The following SPAG9 variants were observed in gnomAD, a reference collection of about 807,000 sequenced individuals.
The protein encoded by SPAG9 is C-Jun-amino-terminal kinase-interacting protein 4.
In SPAG9, 35 loss-of-function variants were observed where a neutral mutation model predicts 166.5. The ratio of observed to expected loss-of-function variants is 0.21; its 90% CI spans 0.16 to 0.28. The LOEUF is 0.28. Among genes scored for constraint, SPAG9 ranks in the 10% least tolerant of loss-of-function variants. SPAG9 has a pLI of 1.00. For synonymous variants in SPAG9, 534 were observed against 565.5 expected (o/e 0.94, Z 0.79); for missense variants, 1,235 against 1,603.3 (o/e 0.77, Z 3.92).
intron 4 of SPAG9, among the ~76,000 whole-genome samples, chr17:51,044,752 T>A (rs1285103147): frequency 6.6e-6 from 1 of 152,214 alleles, no homozygotes; most frequent in Non-Finnish European, 1.5e-5. Context: ...TGGCAGAGTT[T>A]CGATTCAAAG....
At chr17:50,996,817 T>A in intron 15 of SPAG9, 123 bp from the exon 16 acceptor site, 2 of 968,882 alleles carry the variant, frequency 2.1e-6, no homozygotes, top group Non-Finnish European at 3.1e-6. Context: ...TTCAAATTAG[T>A]TTATTTCAAC....
rs948230274 is a variant in SPAG9, at chr17:51,005,144, T to C, written c.1476+68A>G. The C allele has an allele frequency of 3.8e-6, 5 of 1,327,796 alleles. No homozygotes were observed. In the African/African-American group the frequency reaches 7.3e-5, roughly 19 times the overall value. The allele number at this position is 1,327,796 out of a possible 1,614,324, so 82.3% of individuals were successfully genotyped here. Reference sequence around the variant, plus strand: ...TATAGTATTATATCCAAAGCTTACGTAGGAAGATCTTCCCGAAACACCAAA... The same window carrying C: ...TATAGTATTATATCCAAAGCTTACGCAGGAAGATCTTCCCGAAACACCAAA... On this transcript the variant is annotated intron_variant, in intron 12 of 29. Transcript: ENST00000262013.
At chr17:51,036,477 T>G (rs2046588142) in intron 5 of SPAG9, among the ~76,000 whole-genome samples, 4 of 152,148 alleles carry the variant, frequency 2.6e-5, no homozygotes, top group African/African-American at 7.2e-5. Flanking sequence ...GTCTCTCTTC[T>G]CTGCCACTAC....
chr17:51,058,364 T>A (rs1435807208), intron 2 of SPAG9, among the ~76,000 whole-genome samples: 2 of 152,128 alleles, frequency 1.3e-5, no homozygotes, highest in Non-Finnish European at 2.9e-5. Flanking sequence ...ACGATGAAAG[T>A]ATTATTATTA....
intron 3 of SPAG9, among the ~76,000 whole-genome samples, chr17:51,053,026 C>T (rs906714726): frequency 4.0e-5 from 6 of 150,964 alleles, no homozygotes; most frequent in East Asian, 1.9e-4. Flanking sequence ...TCCAGCCTGG[C>T]GACAGAGCAA....
intron 1 of SPAG9, among the ~76,000 whole-genome samples, chr17:51,116,176 G>C (rs1049482794): frequency 4.6e-5 from 7 of 152,050 alleles, no homozygotes; most frequent in Admixed American, 2.0e-4. Context: ...CTCCCCAGTA[G>C]CTGGGATTAC....
At chr17:51,073,337 ACAATTAG>A (rs1333021994) in intron 2 of SPAG9, among the ~76,000 whole-genome samples, 3 of 151,882 alleles carry the variant, frequency 2.0e-5, no homozygotes, top group Non-Finnish European at 4.4e-5. Flanking sequence ...CAAAAAAAAA[ACAATTAG>A]CCACGTGTGG....
Position 50,966,407 on chromosome 17 carries a change from C to T in SPAG9, c.3851-20G>A. On this transcript the variant is annotated intron_variant, in intron 29 of 29. Coordinates refer to ENST00000262013, the MANE Select transcript of SPAG9 (RefSeq NM_001130528.3). ...CATCACCTAGTGAATGATAAGAAGA[C>T]TCAAGTTAGGCTGAACACATAAAAT... is the stretch of plus-strand genomic sequence containing the variant. The T allele has an allele frequency of 7.1e-7, 1 of 1,411,248 alleles. No homozygotes were observed. Among genetic ancestry groups the T allele is most frequent in the Non-Finnish European group, 1.0e-6 (1 of 995,112 alleles). 87.4% of individuals were successfully genotyped at this position (1,411,248 alleles called of 1,614,324 possible). A position where few individuals can be genotyped will look rare whatever the true frequency, so the allele number is the denominator to read the frequency against.
intron 28 of SPAG9, among the ~76,000 whole-genome samples, chr17:50,972,890 A>G (rs1028157725): frequency 3.3e-5 from 5 of 152,242 alleles, no homozygotes; most frequent in Non-Finnish European, 5.9e-5. Flanking sequence ...TTTAGGGCCA[A>G]CTGGCCTCGC....
chr17:50,978,489 A>G (rs1351329823), intron 26 of SPAG9, among the ~76,000 whole-genome samples: 1 of 152,196 alleles, frequency 6.6e-6, no homozygotes, highest in Non-Finnish European at 1.5e-5. Context: ...GTCAGGTGCT[A>G]AAGATAGAGC....
chr17:51,006,235 T>G lies in SPAG9; in HGVS notation c.1274A>C (p.Asn425Thr). 1.2e-6 allele frequency: 2 copies of G among 1,613,522 alleles called. No individual in the cohort carries two copies. The highest frequency in any genetic ancestry group is 1.7e-6 in the Non-Finnish European group (2 of 1,179,728). The change falls in exon 11 of 30, where the codon AAT (asparagine) becomes ACT (threonine). Residue 425 changes from asparagine to threonine, a missense_variant and splice_region_variant. By Grantham distance (65) the Asn-to-Thr change is moderately conservative. This residue lies in a region of SPAG9 where 125 missense variants were observed against 194.0 expected (regional missense o/e 0.64). Transcript: ENST00000262013. Reference protein sequence around the residue: ...LENTQLLETKNALNIVKNDLI... With the variant: ...LENTQLLETKTALNIVKNDLI... ...ATCATTCTTCACTATGTTCAAAGCA[T>G]TTCTAAGAAACACATATTTCAAGTG...
At chr17:51,075,195 C>CAAAAAAAAAAAAA (rs57533555) in intron 2 of SPAG9, among the ~76,000 whole-genome samples, 10 of 28,950 alleles carry the variant, frequency 3.5e-4, no homozygotes, top group Admixed American at 9.5e-4. Context: ...GACTCCATCT[C>CAAAAAAAAAAAAA]AAAAAAAAAA....
chr17:50,987,376 G>A (rs1975131845), intron 21 of SPAG9, 139 bp from the exon 22 acceptor site: 2 of 746,982 alleles, frequency 2.7e-6, no homozygotes, highest in Non-Finnish European at 4.0e-6. Context: ...GTATCACTCT[G>A]TCACCCAGGC....
chr17:51,094,232 T>C (rs1401023458), intron 1 of SPAG9, among the ~76,000 whole-genome samples: 3 of 152,174 alleles, frequency 2.0e-5, no homozygotes, highest in African/African-American at 2.4e-5. Context: ...CCAACCCTCC[T>C]TTTTTAGTGT....
intron 8 of SPAG9, 79 bp downstream of exon 8, chr17:51,020,080 T>C: frequency 1.3e-6 from 1 of 787,500 alleles, no homozygotes; most frequent in Non-Finnish European, 2.2e-6. Flanking sequence ...ATCCATTTTG[T>C]CCAGAGACTG....
intron 1 of SPAG9, among the ~76,000 whole-genome samples, chr17:51,095,876 G>GAT (rs533764265): frequency 2.8e-5 from 4 of 142,476 alleles, no homozygotes; most frequent in Middle Eastern, 3.6e-3. Flanking sequence ...ATAGTGATGT[G>GAT]ATATATATAG....
intron 6 of SPAG9, among the ~76,000 whole-genome samples, chr17:51,026,672 TTC>T (rs1384329207): frequency 7.4e-6 from 1 of 135,194 alleles, no homozygotes; most frequent in African/African-American, 2.7e-5. Context: ...TCTTTTTCTT[TTC>T]TTTTTTTTTT....
Position 51,047,484 on chromosome 17 carries a change from G to A in SPAG9, c.496-15C>T, listed in dbSNP as rs1598081208. 5 of 1,160,910 alleles carry A rather than the reference G, an allele frequency of 4.3e-6. No individual in the cohort carries two copies. The highest frequency in any genetic ancestry group is 4.3e-5 in the Admixed American group (2 of 46,408). 71.9% of individuals were successfully genotyped at this position (1,160,910 alleles called of 1,614,324 possible). Reference sequence around the variant, plus strand: ...TTATGGATCATCTATTTTAAAGAAAGAAAAAATACACAATATTTAAGGCTA... The same window carrying A: ...TTATGGATCATCTATTTTAAAGAAAAAAAAAATACACAATATTTAAGGCTA... On this transcript the variant is annotated splice_polypyrimidine_tract_variant and intron_variant, in intron 3 of 29. Coordinates refer to ENST00000262013, the MANE Select transcript of SPAG9 (RefSeq NM_001130528.3).
Position 50,987,227 on chromosome 17 carries a change from C to G in SPAG9, c.2824G>C (p.Asp942His). The G allele has an allele frequency of 6.2e-7, 1 of 1,606,676 alleles. No individual in the cohort carries two copies. The highest frequency in any genetic ancestry group is 1.1e-5 in the South Asian group (1 of 89,320). ...SPVYQSSNDS[D>H]AYKDQISVLP... is the part of the protein sequence containing the mutation. Reference sequence around the variant, plus strand: ...ACTGATATTTGATCTTTATATGCATCTGAGTCATTGCTGGAAAGGGAGGGC... The same window carrying G: ...ACTGATATTTGATCTTTATATGCATGTGAGTCATTGCTGGAAAGGGAGGGC... The change falls in exon 22 of 30, where the codon GAT becomes CAT. Residue 942 changes from aspartate (D) to histidine (H), a missense_variant. Transcript: ENST00000262013.
Sources: allele counts gnomAD v4.1 joint callset (sites outside exome capture counted in the v4.1 genomes callset), GRCh38; gene constraint gnomAD v4.1.1; regional missense constraint gnomAD v4.1.1; transcripts MANE v1.5; gene names NCBI Gene and HGNC (gene_info 2026-07-23, HGNC 2026-07-21).